The following ACER3 variants were observed in gnomAD, a reference collection of about 807,000 sequenced individuals.
ACER3 encodes alkaline ceramidase 3.
Under a neutral mutation model 48.9 loss-of-function variants are expected in ACER3, and 16 were observed. That is an observed-to-expected ratio of 0.33 (90% CI 0.22 to 0.50). The LOEUF is 0.50. Among genes scored for constraint, ACER3 ranks in the 20% least tolerant of loss-of-function variants. The probability of loss-of-function intolerance (pLI) is 0.98; values close to 1 mark genes in which losing one functional copy is unlikely to be tolerated. For missense variants in ACER3, 227 were observed against 326.0 expected, an observed-to-expected ratio of 0.70 and a Z score of 2.34; for synonymous variants, 109 against 107.8, an observed-to-expected ratio of 1.01 and a Z score of -0.07.
At chr11:76,867,678 A>C (rs1162928993) in intron 1 of ACER3, among the ~76,000 whole-genome samples, 1 of 152,192 alleles carries the variant, frequency 6.6e-6, no homozygotes. Flanking sequence ...ATAAATAAAT[A>C]AAAGAAAGCT....
intron 2 of ACER3, among the ~76,000 whole-genome samples, chr11:76,939,486 G>T (rs1052036102): frequency 5.3e-5 from 8 of 152,166 alleles, no homozygotes; most frequent in African/African-American, 1.9e-4. Context: ...GTCTCAACTA[G>T]TCAGAAGGCT....
At chr11:76,966,751 G>C (rs1378054254) in intron 3 of ACER3, among the ~76,000 whole-genome samples, 1 of 150,128 alleles carries the variant, frequency 6.7e-6, no homozygotes, top group East Asian at 1.9e-4. Context: ...GATGTTCTTT[G>C]AAACCAACGA....
chr11:76,910,402 T>C (rs1425531203), intron 1 of ACER3, among the ~76,000 whole-genome samples: 1 of 152,188 alleles, frequency 6.6e-6, no homozygotes, highest in Non-Finnish European at 1.5e-5. Context: ...TATTATAGAC[T>C]GTATGTTTTT....
intron 1 of ACER3, among the ~76,000 whole-genome samples, chr11:76,905,394 G>T (rs942030849): frequency 3.3e-5 from 5 of 152,126 alleles, no homozygotes; most frequent in Admixed American, 6.5e-5. Context: ...ATCATGCCAA[G>T]TCAAGGAAAG....
intron 1 of ACER3, among the ~76,000 whole-genome samples, chr11:76,897,413 T>C (rs576509671): frequency 2.0e-5 from 3 of 152,368 alleles, no homozygotes; most frequent in Admixed American, 1.3e-4. Context: ...TTAAGATCCA[T>C]TGGCCTTTCT....
At chr11:76,918,652 A>G (rs537889698) in intron 1 of ACER3, among the ~76,000 whole-genome samples, 5 of 152,144 alleles carry the variant, frequency 3.3e-5, no homozygotes, top group East Asian at 1.9e-4. Context: ...ATAATATTCT[A>G]TGGATCTTTC....
At chr11:76,910,784 G>A (rs955051745) in intron 1 of ACER3, among the ~76,000 whole-genome samples, 12 of 152,154 alleles carry the variant, frequency 7.9e-5, no homozygotes, top group African/African-American at 2.9e-4. Flanking sequence ...GTTATGTACT[G>A]CTAATAGGAT....
chr11:76,952,137 T>C (rs61900103), intron 2 of ACER3, among the ~76,000 whole-genome samples: 9,124 of 74,282 alleles, frequency 0.12, 286 homozygotes, highest in Middle Eastern at 0.21. Context: ...TATATATATA[T>C]ATACACACAC....
intron 1 of ACER3, among the ~76,000 whole-genome samples, chr11:76,904,754 C>T (rs1946175444): frequency 2.0e-5 from 3 of 152,312 alleles, no homozygotes; most frequent in East Asian, 1.9e-4. Flanking sequence ...CCTACTGTTT[C>T]GCTGCCCCTC....
intron 7 of ACER3, among the ~76,000 whole-genome samples, chr11:76,999,287 TTAAA>T (rs1948980603): frequency 6.6e-6 from 1 of 152,052 alleles, no homozygotes; most frequent in South Asian, 2.1e-4. Flanking sequence ...TTCATGAAAA[TTAAA>T]TAAGAAATAA....
Position 76,926,341 on chromosome 11 carries a change from T to G in ACER3, c.104-216T>G, listed in dbSNP as rs149116255. Among the ~76,000 whole-genome samples, 234 of 152,312 alleles carry G rather than the reference T, an allele frequency of 1.5e-3. 1 individual carries two copies. The Middle Eastern group carries it at 0.051, about 33-fold the overall frequency. On this transcript the variant is annotated intron_variant, in intron 1 of 10. Transcript: ENST00000532485. ...TTTAGTGGGTTTGCTGGTGGAAAAT[T>G]TTTAGTTTCATTTGTCTGAAATATC...
chr11:76,890,943 C>A (rs1007252697), intron 1 of ACER3, among the ~76,000 whole-genome samples: 2 of 151,862 alleles, frequency 1.3e-5, no homozygotes, highest in Non-Finnish European at 2.9e-5. Flanking sequence ...TATGACAAAA[C>A]CCTGTCTCTA....
chr11:76,919,052 G>C (rs12284419), intron 1 of ACER3, among the ~76,000 whole-genome samples: 3 of 152,186 alleles, frequency 2.0e-5, no homozygotes, highest in African/African-American at 7.2e-5. Context: ...AAGCTAATTT[G>C]CTGACTGGGC....
chr11:76,864,748 T>A (rs1032102263), intron 1 of ACER3, among the ~76,000 whole-genome samples: 1 of 151,166 alleles, frequency 6.6e-6, no homozygotes, highest in African/African-American at 2.4e-5. Flanking sequence ...TACAGGCGCA[T>A]GCCACCACGC....
chr11:76,964,500 C>T (rs1342091412), intron 3 of ACER3, among the ~76,000 whole-genome samples: 1 of 150,666 alleles, frequency 6.6e-6, no homozygotes, highest in African/African-American at 2.5e-5. Context: ...GATCTGAGAA[C>T]GGGCAGACTG....
At chr11:76,880,397 G>A (rs1945492724) in intron 1 of ACER3, among the ~76,000 whole-genome samples, 1 of 152,174 alleles carries the variant, frequency 6.6e-6, no homozygotes, top group African/African-American at 2.4e-5. Context: ...CAACAGACAA[G>A]CAATCAGTTT....
Position 76,861,036 on chromosome 11 carries a change from G to C in ACER3, c.60G>C (p.Trp20Cys). 2 of 1,548,604 alleles carry C rather than the reference G, an allele frequency of 1.3e-6. No individual in the cohort carries two copies. Among genetic ancestry groups the C allele is most frequent in the Non-Finnish European group, 1.7e-6 (2 of 1,146,588 alleles). ...GCCCCACGACCTCCACGCTGGACTGGTGCGAGGAGAACTACTCCGTGACCT... is the reference window on the plus strand; with the variant it reads ...GCCCCACGACCTCCACGCTGGACTGCTGCGAGGAGAACTACTCCGTGACCT... The part of the protein sequence containing the change: ...YWGPTTSTLD[W>C]CEENYSVTWY... The change falls in exon 1 of 11, where the codon TGG becomes TGC. Residue 20 changes from tryptophan to cysteine, a missense_variant. Around this residue, in one of 3 missense-constraint regions of ACER3, gnomAD observed 195 missense variants for 290.8 expected, o/e 0.67. Coordinates refer to ENST00000532485, the MANE Select transcript of ACER3 (RefSeq NM_018367.7).
chr11:77,012,445 G>A (rs6592693), intron 7 of ACER3, among the ~76,000 whole-genome samples: 99,551 of 139,922 alleles, frequency 0.71, 35,856 homozygotes, highest in Non-Finnish European at 0.77. Context: ...AAAAAAAGCT[G>A]TTAGAAGCAA....
chr11:76,874,880 G>A (rs967531079), intron 1 of ACER3, among the ~76,000 whole-genome samples: 2 of 151,944 alleles, frequency 1.3e-5, no homozygotes, highest in Non-Finnish European at 2.9e-5. Context: ...TCTGTGGGAG[G>A]TTCAATTAGA....
Sources: gnomAD v4.1 joint callset for allele counts (sites outside exome capture counted in the v4.1 genomes callset) on GRCh38, gnomAD v4.1.1 for gene constraint, gnomAD v4.1.1 regional missense constraint, MANE v1.5 for transcripts, NCBI Gene and HGNC (gene_info 2026-07-23, HGNC 2026-07-21) for gene names.